SOX5: variants seen among roughly 807,000 people sequenced by gnomAD.
SOX5 encodes the protein SRY-box transcription factor 5.
SOX5 carries 9 observed loss-of-function variants against 92.0 expected under a neutral mutation model. That is an observed-to-expected ratio of 0.10 (90% CI 0.06 to 0.17). SOX5 has a LOEUF of 0.17. SOX5 is among the 10% of genes least tolerant of loss of function. The pLI is 1.00. For missense variants in SOX5, 642 were observed against 944.5 expected (o/e 0.68, Z 4.20); for synonymous variants, 344 against 336.3 (o/e 1.02, Z -0.25).
chr12:23,561,830 AG>A (rs1467068909), intron 11 of SOX5, among the ~76,000 whole-genome samples: 1 of 133,034 alleles, frequency 7.5e-6, no homozygotes, highest in Non-Finnish European at 1.6e-5. Context: ...AAAAAAAAAA[AG>A]GGTACAGATG....
chr12:23,717,433 CA>C (rs568743422), intron 6 of SOX5, among the ~76,000 whole-genome samples: 1 of 151,840 alleles, frequency 6.6e-6, no homozygotes, highest in Non-Finnish European at 1.5e-5. Flanking sequence ...CCATCAATGA[CA>C]AAAAAATGTA....
chr12:24,045,959 C>T (rs1371259906), intron 4 of SOX5, among the ~76,000 whole-genome samples: 1 of 152,156 alleles, frequency 6.6e-6, no homozygotes, highest in Non-Finnish European at 1.5e-5. Flanking sequence ...CTGTATTCAA[C>T]GGAGGCTTGT....
intron 6 of SOX5, among the ~76,000 whole-genome samples, chr12:23,715,827 A>AAACC (rs1555285804): frequency 1.3e-5 from 2 of 151,328 alleles, no homozygotes; most frequent in African/African-American, 2.4e-5. Context: ...AAAAAAAAAA[A>AAACC]AAAAAACTTG....
intron 3 of SOX5, among the ~76,000 whole-genome samples, chr12:23,836,260 C>G (rs1464328432): frequency 6.6e-6 from 1 of 151,802 alleles, no homozygotes; most frequent in Non-Finnish European, 1.5e-5. Flanking sequence ...TATAATGTAA[C>G]TATGTTACAT....
At chr12:24,003,031 A>G (rs906927745) in intron 4 of SOX5, among the ~76,000 whole-genome samples, 1 of 152,144 alleles carries the variant, frequency 6.6e-6, no homozygotes, top group Non-Finnish European at 1.5e-5. Context: ...TTACTGTAAT[A>G]CACCATATTA....
chr12:24,298,611 T>A (rs1947566854), intron 2 of SOX5, among the ~76,000 whole-genome samples: 1 of 152,144 alleles, frequency 6.6e-6, no homozygotes, highest in South Asian at 2.1e-4. Flanking sequence ...TAATATGTAC[T>A]AATAGAACAG....
chr12:23,577,447 C>T (rs912838066), intron 9 of SOX5, among the ~76,000 whole-genome samples: 9 of 151,736 alleles, frequency 5.9e-5, no homozygotes, highest in African/African-American at 1.5e-4. Flanking sequence ...GATCTGCCTG[C>T]GTTGGCCTCC....
At chr12:23,887,917 ATGTGTG>A (rs61356582) in intron 2 of SOX5, among the ~76,000 whole-genome samples, 60 of 144,766 alleles carry the variant, frequency 4.1e-4, no homozygotes, top group East Asian at 1.4e-3. Flanking sequence ...CAGTGTGTAT[ATGTGTG>A]TGTGTGTGTG....
chr12:23,871,492 T>C (rs1341873337), intron 2 of SOX5, among the ~76,000 whole-genome samples: 2 of 151,936 alleles, frequency 1.3e-5, no homozygotes, highest in Admixed American at 6.5e-5. Flanking sequence ...TAAGAGGACA[T>C]GAGAGGAGAA....
chr12:23,530,708 C>A lies in SOX5; in HGVS notation c.*3511G>T, dbSNP rs968220983. 2.6e-5 allele frequency: 4 copies of A among 151,824 alleles called. No individual in the cohort carries two copies. The highest frequency in any genetic ancestry group is 9.7e-5 in the African/African-American group (4 of 41,330). 9.4% of individuals were successfully genotyped at this position (151,824 alleles called of 1,614,324 possible). A position where few individuals can be genotyped will look rare whatever the true frequency, so the allele number is the denominator to read the frequency against. On this transcript the variant is annotated 3_prime_UTR_variant, in exon 15 of 15. Transcript: ENST00000451604. ...TTCTCCGGTAATGTTCTCTTAGATT[C>A]ATATGAAAACAGGACTATTTTTAGA... is the stretch of plus-strand genomic sequence containing the variant.
upstream of SOX5, among the ~76,000 whole-genome samples, chr12:23,949,977 A>G (rs996512648): frequency 1.3e-5 from 2 of 151,690 alleles, no homozygotes; most frequent in African/African-American, 4.8e-5. Flanking sequence ...TCTTCTAGAC[A>G]TCACTGAATG....
At chr12:23,544,851 GT>G (rs1942809851) in intron 12 of SOX5, among the ~76,000 whole-genome samples, 1 of 152,128 alleles carries the variant, frequency 6.6e-6, no homozygotes, top group Non-Finnish European at 1.5e-5. Flanking sequence ...CCTAAAATGG[GT>G]TTGTAACTAG....
At chr12:24,363,562 T>G (rs752080090) in intron 2 of SOX5, among the ~76,000 whole-genome samples, 9 of 152,212 alleles carry the variant, frequency 5.9e-5, no homozygotes, top group Non-Finnish European at 1.3e-4. Flanking sequence ...TGTATCATGT[T>G]ACTCCTAGGA....
intron 6 of SOX5, among the ~76,000 whole-genome samples, chr12:23,726,452 G>A (rs1320186149): frequency 1.3e-5 from 2 of 152,066 alleles, no homozygotes; most frequent in Non-Finnish European, 2.9e-5. Context: ...AGTACCCCCA[G>A]CTATAGCATT....
chr12:24,311,771 T>C (rs1384356950), intron 2 of SOX5, among the ~76,000 whole-genome samples: 2 of 152,218 alleles, frequency 1.3e-5, no homozygotes, highest in Non-Finnish European at 2.9e-5. Flanking sequence ...CCAGTCATAG[T>C]ATCCCCAGAA....
intron 4 of SOX5, among the ~76,000 whole-genome samples, chr12:23,989,328 G>A (rs575204363): frequency 6.6e-6 from 1 of 152,154 alleles, no homozygotes; most frequent in Admixed American, 6.5e-5. Flanking sequence ...AGAGGCAGAG[G>A]TTGCAGTGAG....
intron 6 of SOX5, among the ~76,000 whole-genome samples, chr12:23,692,439 GA>G (rs11427578): frequency 3.2e-4 from 42 of 132,668 alleles, no homozygotes; most frequent in African/African-American, 5.0e-4. Context: ...TACGCCTCAG[GA>G]AAAAAAAAAA....
chr12:23,680,134 T>C (rs1325051419), intron 6 of SOX5, among the ~76,000 whole-genome samples: 1 of 151,592 alleles, frequency 6.6e-6, no homozygotes, highest in African/African-American at 2.4e-5. Flanking sequence ...TAGAGCAGCC[T>C]GGGCAACACA....
At chr12:23,569,127 C>T (rs1370954943) in intron 10 of SOX5, among the ~76,000 whole-genome samples, 1 of 152,102 alleles carries the variant, frequency 6.6e-6, no homozygotes, top group Non-Finnish European at 1.5e-5. Flanking sequence ...GAGGTAGAGG[C>T]TTCAATGAGC....
Sources: allele counts gnomAD v4.1 joint callset (sites outside exome capture counted in the v4.1 genomes callset), GRCh38; gene constraint gnomAD v4.1.1; transcripts MANE v1.5; gene names NCBI Gene and HGNC (gene_info 2026-07-23, HGNC 2026-07-21).